RRM2: variants seen among roughly 807,000 people sequenced by gnomAD.
RRM2 encodes the protein ribonucleotide reductase regulatory subunit M2.
A neutral mutation model predicts 45.9 loss-of-function variants in RRM2; 6 were observed. The observed-to-expected ratio is 0.13, with a 90% CI of 0.07 to 0.26. The LOEUF is 0.26. Ranked by LOEUF, RRM2 falls within the 10% of genes least tolerant of loss-of-function variation. The pLI, the probability that RRM2 is intolerant of heterozygous loss-of-function variation, is 1.00. For synonymous variants in RRM2, 177 were observed against 173.0 expected, an observed-to-expected ratio of 1.02 and a Z score of -0.18; for missense variants, 343 against 489.5, an observed-to-expected ratio of 0.70 and a Z score of 2.82.
At position 10,204,747 on chromosome 2, in the gene RRM2, T is replaced by C. The variant is rs1392724927; in HGVS notation, n.483-5564T>C. Among the ~76,000 whole-genome samples, 2 of 152,242 alleles carry C rather than the reference T, an allele frequency of 1.3e-5. No individual in the cohort carries two copies. The highest frequency in any genetic ancestry group is 2.1e-4 in the South Asian group (1 of 4,836). On this transcript the variant is annotated intron_variant and non_coding_transcript_variant, in intron 3 of 3. Coordinates refer to the RRM2 transcript ENST00000381786. This position sits in a 1 kb window ranked among gnomAD's most constrained non-coding sequence, Gnocchi z 4.0. Reference sequence around the variant, plus strand: ...TCTGTTCTCAATTGCCCTATGCAGATACTTAGTCTGTGGCTGGGAGCCAAG... The same window carrying C: ...TCTGTTCTCAATTGCCCTATGCAGACACTTAGTCTGTGGCTGGGAGCCAAG...
At chr2:10,135,201 A>G (rs890268419), downstream of RRM2, among the ~76,000 whole-genome samples, 3 of 152,148 alleles carry the variant, frequency 2.0e-5, no homozygotes, top group African/African-American at 4.8e-5. Flanking sequence ...GTCCACAGTG[A>G]ATCAATAGAA....
At position 10,123,506 on chromosome 2, in the gene RRM2, G is replaced by A; in HGVS notation, c.294G>A (p.Glu98=). 5 of 1,613,740 alleles carry A rather than the reference G, an allele frequency of 3.1e-6. No individual in the cohort carries two copies. Among genetic ancestry groups the A allele is most frequent in the Non-Finnish European group, 3.4e-6 (4 of 1,179,906 alleles). Residue 98 remains glutamate (E), a synonymous_variant, in exon 3 of 10, where the codon GAG becomes GAA. Coordinates refer to ENST00000304567, the MANE Select transcript of RRM2 (RefSeq NM_001034.4). ...HDIWQMYKKA[E]ASFWTAEEVD... is the part of the protein sequence containing the mutation. The stretch of plus-strand genomic sequence containing the variant: ...TCTGGCAGATGTATAAGAAGGCAGA[G>A]GCTTCCTTTTGGACCGCCGAGGAGG...
At chr2:10,177,962 C>T (rs2125324597) in intron 3 of RRM2, among the ~76,000 whole-genome samples, 1 of 150,862 alleles carries the variant, frequency 6.6e-6, no homozygotes, top group Admixed American at 6.6e-5. Flanking sequence ...CGCTCTGTCA[C>T]CCAGGCTGGA....
At chr2:10,196,529 G>T (rs1238782474) in intron 3 of RRM2, among the ~76,000 whole-genome samples, 1 of 152,170 alleles carries the variant, frequency 6.6e-6, no homozygotes, top group Non-Finnish European at 1.5e-5. Context: ...TGCCCACCCA[G>T]GCTGTGTCCT....
At chr2:10,170,809 G>T (rs981189861) in intron 3 of RRM2, among the ~76,000 whole-genome samples, 2 of 151,276 alleles carry the variant, frequency 1.3e-5, no homozygotes, top group Non-Finnish European at 2.9e-5. Context: ...CCACGCCCCC[G>T]CCCCCAGCCA....
chr2:10,141,063 G>C (rs956940959), upstream of RRM2, among the ~76,000 whole-genome samples: 2 of 152,170 alleles, frequency 1.3e-5, no homozygotes, highest in Admixed American at 1.3e-4. Flanking sequence ...CGGGGCCCAC[G>C]TTGTGAGTTG....
chr2:10,153,428 A>G (rs1212557543), intron 3 of RRM2, among the ~76,000 whole-genome samples: 1 of 151,650 alleles, frequency 6.6e-6, no homozygotes, highest in African/African-American at 2.4e-5. Flanking sequence ...CTTGTTAGTT[A>G]ATTTTTGTGT....
At chr2:10,165,663 C>T (rs1225269816) in intron 3 of RRM2, among the ~76,000 whole-genome samples, 2 of 152,376 alleles carry the variant, frequency 1.3e-5, no homozygotes, top group South Asian at 2.1e-4. Flanking sequence ...CTCTCATCCT[C>T]TCCTGGGTGA....
intron 3 of RRM2, among the ~76,000 whole-genome samples, chr2:10,196,620 G>A (rs1425455178): frequency 6.6e-6 from 1 of 152,156 alleles, no homozygotes; most frequent in Non-Finnish European, 1.5e-5. Flanking sequence ...GATCCCATGG[G>A]GGGCCGGGCT....
At chr2:10,151,230 T>C (rs1441797422) in intron 3 of RRM2, among the ~76,000 whole-genome samples, 1 of 152,200 alleles carries the variant, frequency 6.6e-6, no homozygotes, top group East Asian at 1.9e-4. Context: ...CACCTGGTGA[T>C]GGACATTGGG....
intron 3 of RRM2, among the ~76,000 whole-genome samples, chr2:10,183,048 G>A (rs112901210): frequency 7.2e-5 from 11 of 152,208 alleles, no homozygotes; most frequent in South Asian, 2.1e-4. Context: ...GTATGGTGGC[G>A]CGTACCCAGC....
intron 3 of RRM2, among the ~76,000 whole-genome samples, chr2:10,208,532 T>A (rs1428088120): frequency 6.6e-6 from 1 of 152,220 alleles, no homozygotes; most frequent in Non-Finnish European, 1.5e-5. Context: ...CCGAATCTCT[T>A]GGGCAGAAGG....
chr2:10,172,263 C>T lies in RRM2; in HGVS notation n.482+29888C>T, dbSNP rs567268310. 4.3e-4 allele frequency among the ~76,000 whole-genome samples: 65 copies of T among 152,084 alleles called. No individual in the cohort carries two copies. The highest frequency in any genetic ancestry group is 1.2e-3 in the African/African-American group (51 of 41,472). ...TGTCTGGCGAGGGTCTGGGGGAGGT[C>T]GGATGAGATGAAGGAGGCTGGGGCT... On this transcript the variant is annotated intron_variant and non_coding_transcript_variant, in intron 3 of 3. Transcript: ENST00000381786. This position sits in a 1 kb window ranked among gnomAD's most constrained non-coding sequence, Gnocchi z 4.9.
chr2:10,166,113 C>T (rs967625173), intron 3 of RRM2, among the ~76,000 whole-genome samples: 2 of 152,204 alleles, frequency 1.3e-5, no homozygotes, highest in African/African-American at 2.4e-5. Flanking sequence ...GTGAGGGCAG[C>T]GTGGAGGACA....
chr2:10,182,541 T>C (rs563131314), intron 3 of RRM2, among the ~76,000 whole-genome samples: 2 of 152,116 alleles, frequency 1.3e-5, no homozygotes, highest in African/African-American at 4.8e-5. Context: ...AGCTGGACGC[T>C]AGTCCCAGCT....
chr2:10,191,387 G>T (rs1325495355), intron 3 of RRM2, among the ~76,000 whole-genome samples: 6 of 152,226 alleles, frequency 3.9e-5, no homozygotes, highest in African/African-American at 1.4e-4. Flanking sequence ...TCTGTGAGAG[G>T]TCTTAGTGCC....
downstream of RRM2, among the ~76,000 whole-genome samples, chr2:10,132,084 C>T (rs1249124574): frequency 6.6e-6 from 1 of 152,194 alleles, no homozygotes. Context: ...AAGGCCCTTT[C>T]CTGACTCGGA....
intron 3 of RRM2, among the ~76,000 whole-genome samples, chr2:10,173,895 T>G (rs1663858739): frequency 6.6e-6 from 1 of 152,198 alleles, no homozygotes; most frequent in Non-Finnish European, 1.5e-5. Flanking sequence ...GCGATTGGGC[T>G]GGTTCTGTAC....
intron 3 of RRM2, among the ~76,000 whole-genome samples, chr2:10,170,389 G>A (rs949871280): frequency 6.6e-6 from 1 of 152,106 alleles, no homozygotes; most frequent in African/African-American, 2.4e-5. Flanking sequence ...ATCTTGCCCC[G>A]TGGTGAAATC....
Sources: allele counts gnomAD v4.1 joint callset (sites outside exome capture counted in the v4.1 genomes callset), GRCh38; gene constraint gnomAD v4.1.1; non-coding constraint Gnocchi (gnomAD v3.1); transcripts MANE v1.5; gene names NCBI Gene and HGNC (gene_info 2026-07-23, HGNC 2026-07-21).